The following ACMSD variants were observed in gnomAD, a reference collection of about 807,000 sequenced individuals.
ACMSD encodes aminocarboxymuconate semialdehyde decarboxylase.
A neutral mutation model predicts 45.9 loss-of-function variants in ACMSD; 37 were observed. The observed-to-expected ratio is 0.81, with a 90% CI of 0.62 to 1.06. The LOEUF is 1.06. Among genes scored for constraint, ACMSD ranks in the 50% least tolerant of loss-of-function variants. The pLI, the probability that ACMSD is intolerant of heterozygous loss-of-function variation, is 0.00. For missense variants in ACMSD, 434 were observed against 420.9 expected (o/e 1.03, Z -0.27); for synonymous variants, 138 against 148.8 (o/e 0.93, Z 0.53).
chr2:134,881,125 T>C (rs1689013328), intron 8 of ACMSD, among the ~76,000 whole-genome samples: 1 of 152,188 alleles, frequency 6.6e-6, no homozygotes, highest in South Asian at 2.1e-4. Flanking sequence ...CTCAGCCTCC[T>C]GAGTAGCTGG....
At chr2:134,847,774 C>A (rs1322028128) in intron 2 of ACMSD, among the ~76,000 whole-genome samples, 3 of 152,048 alleles carry the variant, frequency 2.0e-5, no homozygotes, top group Non-Finnish European at 4.4e-5. Flanking sequence ...CATGTCCCTG[C>A]AAAGGACATG....
chr2:134,891,183 G>C (rs1689762640), intron 8 of ACMSD, among the ~76,000 whole-genome samples: 1 of 151,928 alleles, frequency 6.6e-6, no homozygotes, highest in African/African-American at 2.4e-5. Flanking sequence ...TTGTGCTTTT[G>C]AGGTCTTAGT....
At chr2:134,880,168 G>T (rs1221422688) in intron 8 of ACMSD, among the ~76,000 whole-genome samples, 1 of 152,120 alleles carries the variant, frequency 6.6e-6, no homozygotes, top group East Asian at 1.9e-4. Context: ...GTTCCATTGT[G>T]TTCCAGCTTT....
At chr2:134,863,154 G>T in intron 4 of ACMSD, 1 of 740,176 alleles carries the variant, frequency 1.4e-6, no homozygotes, top group Non-Finnish European at 1.7e-6. Context: ...CTTCCCTTCT[G>T]ATTCTGGCCT....
At chr2:134,846,589 T>C (rs892032390) in intron 2 of ACMSD, among the ~76,000 whole-genome samples, 1 of 152,082 alleles carries the variant, frequency 6.6e-6, no homozygotes, top group Non-Finnish European at 1.5e-5. Context: ...TTTTATTTTT[T>C]AGACAGGGGG....
At chr2:134,871,459 G>C (rs2104883182) in intron 7 of ACMSD, among the ~76,000 whole-genome samples, 1 of 151,550 alleles carries the variant, frequency 6.6e-6, no homozygotes, top group South Asian at 2.1e-4. Context: ...CTAGTCACAT[G>C]ATGGTTTAGG....
chr2:134,855,863 C>T (rs1039025789), intron 2 of ACMSD, among the ~76,000 whole-genome samples: 4 of 152,078 alleles, frequency 2.6e-5, no homozygotes, highest in Non-Finnish European at 1.5e-5. Flanking sequence ...AAGGATGAAG[C>T]CTTGGATGCA....
intron 2 of ACMSD, among the ~76,000 whole-genome samples, chr2:134,854,500 A>G (rs1196393181): frequency 6.6e-6 from 1 of 152,216 alleles, no homozygotes; most frequent in Non-Finnish European, 1.5e-5. Flanking sequence ...GCTGGAGACT[A>G]GAAGCTTTGC....
chr2:134,865,135 T>A (rs1688037567), intron 5 of ACMSD, among the ~76,000 whole-genome samples: 1 of 152,130 alleles, frequency 6.6e-6, no homozygotes, highest in African/African-American at 2.4e-5. Context: ...AGGCAAAAAA[T>A]TTTCCATGTT....
intron 8 of ACMSD, among the ~76,000 whole-genome samples, chr2:134,887,884 T>C (rs1368963811): frequency 6.6e-6 from 1 of 152,110 alleles, no homozygotes; most frequent in African/African-American, 2.4e-5. Flanking sequence ...AGCAAGATTA[T>C]ACAACTAAAC....
chr2:134,885,800 G>A (rs572630886), intron 8 of ACMSD, among the ~76,000 whole-genome samples: 6 of 152,148 alleles, frequency 3.9e-5, no homozygotes, highest in Admixed American at 6.6e-5. Context: ...ATAATCAGTC[G>A]AGTGGGTTTC....
chr2:134,889,976 G>C (rs906778062), intron 8 of ACMSD, among the ~76,000 whole-genome samples: 1 of 151,962 alleles, frequency 6.6e-6, no homozygotes, highest in African/African-American at 2.4e-5. Flanking sequence ...TAATGTGTTT[G>C]TATATATGAA....
intron 4 of ACMSD, among the ~76,000 whole-genome samples, chr2:134,862,292 C>G (rs193105375): frequency 6.6e-6 from 1 of 152,300 alleles, no homozygotes; most frequent in Non-Finnish European, 1.5e-5. Context: ...TCCACCAGAA[C>G]TTACCTGTCT....
chr2:134,854,468 T>A (rs1213006391), intron 2 of ACMSD, among the ~76,000 whole-genome samples: 1 of 152,222 alleles, frequency 6.6e-6, no homozygotes, highest in Non-Finnish European at 1.5e-5. Flanking sequence ...ATGGACAGGA[T>A]GCTCATGCTA....
At chr2:134,872,716 GCCTCTCTCC>G in intron 8 of ACMSD, 75 bp downstream of exon 8, 2 of 1,545,108 alleles carry the variant, frequency 1.3e-6, no homozygotes, top group Non-Finnish European at 8.9e-7. Flanking sequence ...CTCTCCTTTG[GCCTCTCTCC>G]AAAAAAGGGA....
At chr2:134,840,194 C>CAA (rs1300580743) in intron 1 of ACMSD, among the ~76,000 whole-genome samples, 1 of 68,740 alleles carries the variant, frequency 1.5e-5, no homozygotes, top group Non-Finnish European at 2.7e-5. Flanking sequence ...AAAAAAAAAA[C>CAA]CACTAATTCC....
At chr2:134,898,278 T>G in intron 8 of ACMSD, 63 bp from the exon 9 acceptor site, 1 of 993,576 alleles carries the variant, frequency 1.0e-6, no homozygotes, top group Non-Finnish European at 1.4e-6. Context: ...AGTAAACAAT[T>G]GTTTACAGGA....
intron 8 of ACMSD, among the ~76,000 whole-genome samples, chr2:134,889,701 T>C (rs1487506828): frequency 1.3e-5 from 2 of 152,100 alleles, no homozygotes; most frequent in Admixed American, 6.6e-5. Flanking sequence ...ATTTTATATA[T>C]AGGATTTGAG....
At chr2:134,848,216 T>C (rs1485196753) in intron 2 of ACMSD, among the ~76,000 whole-genome samples, 1 of 152,240 alleles carries the variant, frequency 6.6e-6, no homozygotes, top group African/African-American at 2.4e-5. Context: ...TCTTTGCTAT[T>C]GTGAATAGTG....
Sources: gnomAD v4.1 joint callset for allele counts (sites outside exome capture counted in the v4.1 genomes callset) on GRCh38, gnomAD v4.1.1 for gene constraint, MANE v1.5 for transcripts, NCBI Gene and HGNC (gene_info 2026-07-23, HGNC 2026-07-21) for gene names.